NTNG1: variants seen among roughly 807,000 people sequenced by gnomAD.
NTNG1 encodes the protein netrin-G1.
In NTNG1, 16 loss-of-function variants were observed where a neutral mutation model predicts 54.0. That is an observed-to-expected ratio of 0.30 (90% CI 0.20 to 0.45). NTNG1 has a LOEUF of 0.45. Ranked by LOEUF, NTNG1 falls within the 20% of genes least tolerant of loss-of-function variation. The pLI is 1.00. For synonymous variants in NTNG1, 255 were observed against 263.1 expected, an observed-to-expected ratio of 0.97 and a Z score of 0.30; for missense variants, 530 against 678.7, an observed-to-expected ratio of 0.78 and a Z score of 2.43.
chr1:107,246,957 C>T (rs1662244165), intron 2 of NTNG1, among the ~76,000 whole-genome samples: 1 of 111,078 alleles, frequency 9.0e-6, no homozygotes, highest in Admixed American at 9.8e-5. Context: ...AGACATGTCA[C>T]ATTATCTGCC....
intron 2 of NTNG1, among the ~76,000 whole-genome samples, chr1:107,241,587 A>AC (rs936184666): frequency 6.6e-6 from 1 of 152,194 alleles, no homozygotes; most frequent in Non-Finnish European, 1.5e-5. Context: ...GCATCCTACA[A>AC]CCAGAACAAC....
At chr1:107,161,361 G>A (rs1006843279) in intron 2 of NTNG1, among the ~76,000 whole-genome samples, 1 of 151,884 alleles carries the variant, frequency 6.6e-6, no homozygotes, top group African/African-American at 2.4e-5. Context: ...ATAAATACAC[G>A]TGCAACCACA....
At chr1:107,429,120 G>A (rs886806163) in intron 5 of NTNG1, among the ~76,000 whole-genome samples, 3 of 152,002 alleles carry the variant, frequency 2.0e-5, no homozygotes, top group Non-Finnish European at 4.4e-5. Context: ...AAACGAAGTG[G>A]TTTGGCTTCA....
chr1:107,159,352 C>T (rs1239398395), intron 2 of NTNG1, among the ~76,000 whole-genome samples: 3 of 152,132 alleles, frequency 2.0e-5, no homozygotes, highest in South Asian at 2.1e-4. Context: ...TAGTGCCGAG[C>T]ATGGTGTGAT....
intron 6 of NTNG1, among the ~76,000 whole-genome samples, chr1:107,431,914 G>T (rs1022114895): frequency 6.6e-6 from 1 of 152,202 alleles, no homozygotes; most frequent in South Asian, 2.1e-4. Context: ...ATCAAGAAAA[G>T]AAATCCAATT....
chr1:107,444,821 A>G (rs771842607), intron 7 of NTNG1, among the ~76,000 whole-genome samples: 9 of 152,078 alleles, frequency 5.9e-5, no homozygotes, highest in Non-Finnish European at 1.3e-4. Flanking sequence ...GCCTGATCCT[A>G]CCTGATAATA....
chr1:107,320,123 T>C (rs1477411441), intron 2 of NTNG1, among the ~76,000 whole-genome samples: 1 of 152,118 alleles, frequency 6.6e-6, no homozygotes, highest in Non-Finnish European at 1.5e-5. Context: ...ATTAACATTT[T>C]AAAAATGAAA....
intron 2 of NTNG1, among the ~76,000 whole-genome samples, chr1:107,262,613 GTAATGACTCA>G (rs1557852805): frequency 6.6e-6 from 1 of 152,196 alleles, no homozygotes; most frequent in African/African-American, 2.4e-5. Context: ...ATAATAAATT[GTAATGACTCA>G]AAGCAGTAGC....
intron 2 of NTNG1, among the ~76,000 whole-genome samples, chr1:107,156,021 G>A (rs1371609514): frequency 6.6e-6 from 1 of 152,144 alleles, no homozygotes; most frequent in South Asian, 2.1e-4. Flanking sequence ...GTGTAGCAGG[G>A]TATACCATCT....
At chr1:107,296,898 G>C (rs1476560032) in intron 2 of NTNG1, among the ~76,000 whole-genome samples, 1 of 149,006 alleles carries the variant, frequency 6.7e-6, no homozygotes, top group Non-Finnish European at 1.5e-5. Context: ...GACTTTACAT[G>C]TCTTACTTAT....
chr1:107,433,896 A>G (rs1435506089), intron 6 of NTNG1, among the ~76,000 whole-genome samples: 2 of 152,170 alleles, frequency 1.3e-5, no homozygotes, highest in East Asian at 1.9e-4. Context: ...GACAGCATGA[A>G]CCTATTTGCT....
intron 2 of NTNG1, among the ~76,000 whole-genome samples, chr1:107,217,354 G>A (rs535508518): frequency 6.6e-5 from 10 of 151,916 alleles, no homozygotes; most frequent in African/African-American, 1.7e-4. Flanking sequence ...GGTTAATCTC[G>A]CTAATGGTCT....
intron 2 of NTNG1, among the ~76,000 whole-genome samples, chr1:107,237,873 G>T (rs555384311): frequency 3.1e-4 from 47 of 152,338 alleles, no homozygotes; most frequent in South Asian, 2.3e-3. Flanking sequence ...GCAGGGATGG[G>T]ACCCTCATGG....
Position 107,157,169 on chromosome 1 carries a change from A to T in NTNG1, c.246+8330A>T, listed in dbSNP as rs187333952. ...AGTATATACTGATTATGATCCACAAATTATATGTAGCATTGTTTTTGAAAC... is the reference window on the plus strand; with the variant it reads ...AGTATATACTGATTATGATCCACAATTTATATGTAGCATTGTTTTTGAAAC... On this transcript the variant is annotated intron_variant, in intron 2 of 7. Transcript: ENST00000370068. Among the ~76,000 whole-genome samples the T allele has an allele frequency of 1.1e-3, 163 of 152,326 alleles. 1 individual carries two copies. Among genetic ancestry groups the T allele is most frequent in the African/African-American group, 3.8e-3 (160 of 41,582 alleles).
At chr1:107,386,633 A>T (rs1404742307) in intron 3 of NTNG1, among the ~76,000 whole-genome samples, 2 of 152,202 alleles carry the variant, frequency 1.3e-5, no homozygotes, top group Non-Finnish European at 2.9e-5. Context: ...TTATCTATTC[A>T]TCAGTTGATG....
At chr1:107,423,338 G>A (rs1674691713) in intron 5 of NTNG1, among the ~76,000 whole-genome samples, 1 of 152,024 alleles carries the variant, frequency 6.6e-6, no homozygotes, top group South Asian at 2.1e-4. Flanking sequence ...CAGTTTGGGG[G>A]TTGCTACCAC....
chr1:107,252,842 GATA>G (rs537481481), intron 2 of NTNG1, among the ~76,000 whole-genome samples: 1 of 152,166 alleles, frequency 6.6e-6, no homozygotes, highest in Non-Finnish European at 1.5e-5. Flanking sequence ...CTGATTCAAA[GATA>G]ATAACTTAGA....
At chr1:107,303,871 CA>C (rs1397694037) in intron 2 of NTNG1, among the ~76,000 whole-genome samples, 5 of 151,984 alleles carry the variant, frequency 3.3e-5, no homozygotes, top group Non-Finnish European at 7.4e-5. Flanking sequence ...TATGATAGTA[CA>C]AACGGGGTTT....
At chr1:107,151,962 A>G (rs1269069431) in intron 2 of NTNG1, among the ~76,000 whole-genome samples, 1 of 151,994 alleles carries the variant, frequency 6.6e-6, no homozygotes, top group East Asian at 1.9e-4. Context: ...TATTAATCAT[A>G]GTGGATAAGG....
Sources: allele counts gnomAD v4.1 joint callset (sites outside exome capture counted in the v4.1 genomes callset), GRCh38; gene constraint gnomAD v4.1.1; transcripts MANE v1.5; gene names NCBI Gene and HGNC (gene_info 2026-07-23, HGNC 2026-07-21).